The following PID1 variants were observed in gnomAD, a reference collection of about 807,000 sequenced individuals.
PID1 encodes phosphotyrosine interaction domain containing 1, also known as PTB-containing, cubilin and LRP1-interacting protein.
A neutral mutation model predicts 19.1 loss-of-function variants in PID1; 10 were observed. The observed-to-expected ratio is 0.52, with a 90% CI of 0.32 to 0.89. PID1 has a LOEUF of 0.89. Among genes scored for constraint, PID1 ranks in the 40% least tolerant of loss-of-function variants. The pLI is 0.03. For missense variants in PID1, 248 were observed against 285.3 expected, an observed-to-expected ratio of 0.87 and a Z score of 0.94; for synonymous variants, 130 against 116.0, an observed-to-expected ratio of 1.12 and a Z score of -0.78.
At chr2:229,091,185 T>C (rs1266104987) in intron 2 of PID1, among the ~76,000 whole-genome samples, 3 of 152,122 alleles carry the variant, frequency 2.0e-5, no homozygotes, top group Non-Finnish European at 4.4e-5. Context: ...GAATATATTC[T>C]GTTACTGTAG....
intron 1 of PID1, among the ~76,000 whole-genome samples, chr2:229,163,674 T>TGTGTGTGTGTGTGTGTGTGCGCGC (rs374622113): frequency 5.3e-5 from 5 of 94,374 alleles, no homozygotes; most frequent in African/African-American, 1.6e-4. Context: ...TGTGTGTGTG[T>TGTGTGTGTGTGTGTGTGTGCGCGC]GCGTGTGCGT....
intron 1 of PID1, among the ~76,000 whole-genome samples, chr2:229,178,535 T>C (rs1690873607): frequency 6.6e-6 from 1 of 152,186 alleles, no homozygotes; most frequent in Admixed American, 6.5e-5. Context: ...TTAATCTTGA[T>C]TGTAGTCTTT....
intron 1 of PID1, among the ~76,000 whole-genome samples, chr2:229,191,537 A>AT (rs1691260235): frequency 6.6e-6 from 1 of 152,188 alleles, no homozygotes; most frequent in Non-Finnish European, 1.5e-5. Flanking sequence ...TCATGAATAA[A>AT]TTTGAGTTCA....
At chr2:229,211,070 AT>A (rs1272021553) in intron 1 of PID1, among the ~76,000 whole-genome samples, 1 of 152,200 alleles carries the variant, frequency 6.6e-6, no homozygotes, top group Non-Finnish European at 1.5e-5. Flanking sequence ...GCAATGTTGT[AT>A]TCTGTCCCCA....
intron 1 of PID1, among the ~76,000 whole-genome samples, chr2:229,230,125 T>G (rs999169964): frequency 6.6e-6 from 1 of 152,248 alleles, no homozygotes; most frequent in East Asian, 1.9e-4. Flanking sequence ...CTAATTGTAA[T>G]GTTTAACCTT....
At chr2:229,236,416 T>G (rs1008961466) in intron 1 of PID1, 6 of 152,064 alleles carry the variant, frequency 3.9e-5, no homozygotes, top group African/African-American at 1.2e-4. Flanking sequence ...ACAAAGACGG[T>G]TCTCCCACTT....
chr2:229,113,967 A>G (rs1695355042), intron 2 of PID1, among the ~76,000 whole-genome samples: 1 of 152,166 alleles, frequency 6.6e-6, no homozygotes, highest in Admixed American at 6.5e-5. Flanking sequence ...AATGGGAGTC[A>G]GTCTCACCCA....
chr2:229,254,405 A>G (rs1690237764), intron 1 of PID1, among the ~76,000 whole-genome samples: 1 of 152,210 alleles, frequency 6.6e-6, no homozygotes, highest in South Asian at 2.1e-4. Flanking sequence ...AACTAATGCT[A>G]TTACCCAAGT....
At chr2:229,052,301 C>T (rs7577554) in intron 2 of PID1, among the ~76,000 whole-genome samples, 79,523 of 151,852 alleles carry the variant, frequency 0.52, 21,584 homozygotes, top group East Asian at 0.67. Context: ...AAAAAAATCC[C>T]ATAGAATAAA....
At chr2:229,052,712 AG>A (rs1187846247) in intron 2 of PID1, among the ~76,000 whole-genome samples, 1 of 143,670 alleles carries the variant, frequency 7.0e-6, no homozygotes, top group Admixed American at 7.0e-5. Context: ...TCAAGCAGAA[AG>A]GAAAAAAAAA....
At chr2:229,166,248 G>A (rs969156832) in intron 1 of PID1, among the ~76,000 whole-genome samples, 1 of 152,166 alleles carries the variant, frequency 6.6e-6, no homozygotes, top group African/African-American at 2.4e-5. Context: ...ATATAGCATT[G>A]TAGGAAATAG....
At chr2:229,218,293 C>CAAAAAAAAAAAAAAAAAA (rs67801043) in intron 1 of PID1, among the ~76,000 whole-genome samples, 1 of 67,598 alleles carries the variant, frequency 1.5e-5, no homozygotes, top group Non-Finnish European at 2.6e-5. Context: ...GTTTCCTGAG[C>CAAAAAAAAAAAAAAAAAA]AAAAAAAAAA....
At chr2:229,260,656 G>A (rs924765642) in intron 1 of PID1, among the ~76,000 whole-genome samples, 1 of 151,616 alleles carries the variant, frequency 6.6e-6, no homozygotes, top group African/African-American at 2.4e-5. Flanking sequence ...TTCCTTCATG[G>A]GTAGAATTGG....
chr2:229,028,192 T>C (rs1693467034), intron 2 of PID1, among the ~76,000 whole-genome samples: 1 of 152,228 alleles, frequency 6.6e-6, no homozygotes, highest in Non-Finnish European at 1.5e-5. Context: ...TTTTCAGATG[T>C]TGGAATACTT....
chr2:229,144,123 A>G lies in PID1; in HGVS notation c.177+11695T>C, dbSNP rs1690075960. 2.6e-5 allele frequency among the ~76,000 whole-genome samples: 4 copies of G among 152,322 alleles called. No homozygotes were observed. The South Asian group carries it at 8.3e-4, about 32-fold the overall frequency. ...TTTCTATACCCAGCCAAAAGGTGAA[A>G]AGTTGAGAGTAAAATAAAGAAACTT... On this transcript the variant is annotated intron_variant, in intron 2 of 2. Coordinates refer to ENST00000392055, the MANE Select transcript of PID1 (RefSeq NM_001100818.2).
chr2:229,066,606 T>C (rs1694332220), intron 2 of PID1, among the ~76,000 whole-genome samples: 2 of 152,120 alleles, frequency 1.3e-5, no homozygotes, highest in African/African-American at 2.4e-5. Context: ...AGTGTGATGA[T>C]ACTTGGGCTG....
At chr2:229,090,514 T>C (rs1380061673) in intron 2 of PID1, among the ~76,000 whole-genome samples, 4 of 152,156 alleles carry the variant, frequency 2.6e-5, no homozygotes, top group Admixed American at 6.5e-5. Flanking sequence ...TTGTGGCTTG[T>C]AGCTTCCAAC....
At chr2:229,068,747 A>G (rs1694385300) in intron 2 of PID1, among the ~76,000 whole-genome samples, 1 of 152,086 alleles carries the variant, frequency 6.6e-6, no homozygotes, top group African/African-American at 2.4e-5. Flanking sequence ...AGGGTATCCA[A>G]TTTTCTCCTC....
chr2:229,214,448 C>T (rs1048001695), intron 1 of PID1, among the ~76,000 whole-genome samples: 1 of 151,958 alleles, frequency 6.6e-6, no homozygotes, highest in Non-Finnish European at 1.5e-5. Context: ...AGAAGTAGAT[C>T]CTGAGGATAT....
Sources: allele counts gnomAD v4.1 joint callset (sites outside exome capture counted in the v4.1 genomes callset), GRCh38; gene constraint gnomAD v4.1.1; transcripts MANE v1.5; gene names NCBI Gene and HGNC (gene_info 2026-07-23, HGNC 2026-07-21).